Variants in SH3PXD2A observed in about 807,000 individuals in gnomAD.
SH3PXD2A encodes the protein SH3 and PX domains 2A, also known as SH3 and PX domain-containing protein 2A.
SH3PXD2A carries 32 observed loss-of-function variants against 115.2 expected under a neutral mutation model. That is an observed-to-expected ratio of 0.28 (90% confidence interval 0.21 to 0.37). The LOEUF is 0.37. Among genes scored for constraint, SH3PXD2A ranks in the 10% least tolerant of loss-of-function variants. The pLI, the probability that SH3PXD2A is intolerant of heterozygous loss-of-function variation, is 1.00. For missense variants in SH3PXD2A, 1,328 were observed against 1,498.7 expected (o/e 0.89, Z 1.88); for synonymous variants, 610 against 629.1 (o/e 0.97, Z 0.45).
intron 3 of SH3PXD2A, among the ~76,000 whole-genome samples, chr10:103,737,049 G>C (rs2038388866): frequency 6.6e-6 from 1 of 152,196 alleles, no homozygotes; most frequent in East Asian, 1.9e-4. Context: ...CACCTCTAGT[G>C]GCCTGGGAAG....
intron 1 of SH3PXD2A, among the ~76,000 whole-genome samples, chr10:103,846,584 A>G (rs1255363686): frequency 1.3e-5 from 2 of 152,228 alleles, no homozygotes; most frequent in East Asian, 1.9e-4. Context: ...CTCCTCACAC[A>G]GCTATCATCT....
At position 103,654,145 on chromosome 10, in the gene SH3PXD2A, C is replaced by A. The variant is rs546040953; in HGVS notation, c.604+6838G>T. On this transcript the variant is annotated intron_variant, in intron 8 of 14. Coordinates refer to ENST00000369774, the MANE Select transcript of SH3PXD2A (RefSeq NM_001394015.1). ...AACAGGGCTACTGAGGGACCATCAG[C>A]GTGGGGTTGTCATGAAAGCCCCCAA... 2.0e-5 allele frequency among the ~76,000 whole-genome samples: 3 copies of A among 152,192 alleles called. No homozygotes were observed. The East Asian group carries it at 5.8e-4, about 30-fold the overall frequency.
At chr10:103,719,728 T>C (rs2038157270) in intron 5 of SH3PXD2A, among the ~76,000 whole-genome samples, 1 of 145,342 alleles carries the variant, frequency 6.9e-6, no homozygotes, top group South Asian at 2.2e-4. Flanking sequence ...TTTCTTTTTT[T>C]TTTTTTTTTT....
chr10:103,650,907 G>A (rs1008038762), intron 8 of SH3PXD2A, among the ~76,000 whole-genome samples: 1 of 152,252 alleles, frequency 6.6e-6, no homozygotes, highest in African/African-American at 2.4e-5. Context: ...AGGGACAGCT[G>A]CCTCTTGTCC....
intron 2 of SH3PXD2A, among the ~76,000 whole-genome samples, chr10:103,787,787 C>A (rs1394779769): frequency 2.0e-5 from 3 of 152,036 alleles, no homozygotes; most frequent in East Asian, 1.9e-4. Flanking sequence ...AACAAACAAA[C>A]AAAAAAAATC....
chr10:103,718,886 A>G (rs529645028), intron 5 of SH3PXD2A, among the ~76,000 whole-genome samples: 34 of 152,122 alleles, frequency 2.2e-4, no homozygotes, highest in Non-Finnish European at 4.6e-4. Context: ...TCATATGTTA[A>G]ATCCTAACGC....
At chr10:103,664,670 C>CTTTT (rs34460765) in intron 7 of SH3PXD2A, among the ~76,000 whole-genome samples, 13 of 142,024 alleles carry the variant, frequency 9.2e-5, no homozygotes, top group African/African-American at 3.4e-4. Flanking sequence ...CTTTCTCTCT[C>CTTTT]TTTTTTTTTT....
At chr10:103,794,087 C>A (rs2039063247) in intron 2 of SH3PXD2A, among the ~76,000 whole-genome samples, 1 of 152,162 alleles carries the variant, frequency 6.6e-6, no homozygotes, top group South Asian at 2.1e-4. Flanking sequence ...ACATTCATTC[C>A]AAGGCTGGTT....
chr10:103,706,860 T>C (rs117519770), intron 5 of SH3PXD2A, among the ~76,000 whole-genome samples: 704 of 152,276 alleles, frequency 4.6e-3, no homozygotes, highest in Middle Eastern at 0.014. Context: ...CATCCCTGAT[T>C]GTCACAGATG....
chr10:103,601,986 C>T lies in SH3PXD2A; in HGVS notation c.3232G>A (p.Val1078Ile), dbSNP rs561681082. The T allele has an allele frequency of 8.1e-6, 13 of 1,614,006 alleles. No homozygotes were observed. The highest frequency in any genetic ancestry group is 4.5e-5 in the East Asian group (2 of 44,866). The stretch of plus-strand genomic sequence containing the variant: ...TCCCCCTCGTAGTCTGCGATAGAGA[C>T]GTACACATCTTTGAGGTTATTGTGG... The part of the protein sequence containing the change: ...FIHNNLKDVY[V>I]SIADYEGDEE... Residue 1078 changes from valine (V) to isoleucine (I), a missense_variant, in exon 15 of 15, where the codon GTC (valine) becomes ATC (isoleucine). By Grantham distance (29) the Val-to-Ile change is conservative. Around this residue, in one of 5 missense-constraint regions of SH3PXD2A, gnomAD observed 45 missense variants for 73.6 expected, o/e 0.61. Coordinates refer to ENST00000369774, the MANE Select transcript of SH3PXD2A (RefSeq NM_001394015.1).
chr10:103,644,508 C>T (rs896632677), intron 8 of SH3PXD2A, among the ~76,000 whole-genome samples: 7 of 151,360 alleles, frequency 4.6e-5, no homozygotes, highest in Admixed American at 4.6e-4. Flanking sequence ...ATCACTTGAG[C>T]CCAGGAGGTC....
intron 6 of SH3PXD2A, among the ~76,000 whole-genome samples, chr10:103,671,778 C>CG (rs1223579757): frequency 2.8e-5 from 4 of 144,380 alleles, no homozygotes; most frequent in African/African-American, 1.0e-4. Flanking sequence ...GGGGGGGAGG[C>CG]GGGGGGCGCA....
intron 1 of SH3PXD2A, among the ~76,000 whole-genome samples, chr10:103,829,286 C>T (rs2039462650): frequency 6.6e-6 from 1 of 152,138 alleles, no homozygotes; most frequent in Admixed American, 6.5e-5. Flanking sequence ...TAACCCACTT[C>T]TGGGAGGCAC....
At chr10:103,827,592 C>T (rs1399652306) in intron 1 of SH3PXD2A, among the ~76,000 whole-genome samples, 1 of 152,192 alleles carries the variant, frequency 6.6e-6, no homozygotes, top group Non-Finnish European at 1.5e-5. Context: ...GTACATAGCA[C>T]ACCGCCTGGC....
intron 6 of SH3PXD2A, among the ~76,000 whole-genome samples, chr10:103,685,582 G>A (rs986178094): frequency 2.6e-5 from 4 of 152,072 alleles, no homozygotes; most frequent in East Asian, 1.9e-4. Flanking sequence ...GAACCCCTCC[G>A]GTGCTGCCTC....
chr10:103,601,629 C>T lies in SH3PXD2A; in HGVS notation c.*187G>A. ...CTCACTCAGTGTGGGCACCCCCATCCCCTACCTTCCAGCTGTGGGATGGCT... is the reference window on the plus strand; with the variant it reads ...CTCACTCAGTGTGGGCACCCCCATCTCCTACCTTCCAGCTGTGGGATGGCT... On this transcript the variant is annotated 3_prime_UTR_variant, in exon 15 of 15. Coordinates refer to ENST00000369774, the MANE Select transcript of SH3PXD2A (RefSeq NM_001394015.1). 4 of 574,246 alleles carry T rather than the reference C, an allele frequency of 7.0e-6. No individual in the cohort carries two copies. The highest frequency in any genetic ancestry group is 1.2e-5 in the Non-Finnish European group (4 of 321,360). The allele number at this position is 574,246 out of a possible 1,614,324, so 35.6% of individuals were successfully genotyped here. A position where few individuals can be genotyped will look rare whatever the true frequency, so the allele number is the denominator to read the frequency against.
chr10:103,836,682 TAC>T lies in SH3PXD2A; in HGVS notation c.72+18511_72+18512del, dbSNP rs55855121. Among the ~76,000 whole-genome samples, 814 of 148,876 alleles carry T rather than the reference TAC, an allele frequency of 5.5e-3. 7 individuals carry two copies. Among genetic ancestry groups the T allele is most frequent in the African/African-American group, 0.019 (757 of 40,458 alleles). ...CACACACTCCACACTCACAGACATG[TAC>T]ACACACACACACACACACACACCCC... On this transcript the variant is annotated intron_variant, in intron 1 of 14. Transcript: ENST00000369774.
chr10:103,605,882 A>G lies in SH3PXD2A; in HGVS notation c.1344T>C (p.Ser448=). The G allele has an allele frequency of 1.2e-6, 2 of 1,613,958 alleles. No individual in the cohort carries two copies. The highest frequency in any genetic ancestry group is 1.7e-6 in the Non-Finnish European group (2 of 1,179,844). The change falls in exon 14 of 15, where the codon TCT becomes TCC. Residue 448 remains serine, a synonymous_variant. Coordinates refer to ENST00000369774, the MANE Select transcript of SH3PXD2A (RefSeq NM_001394015.1). ...FQLPKPPEPP[S]VEVEYYTIAE... ...CAATGGTGTAGTACTCCACCTCAAC[A>G]GAAGGGGGCTCTGGTGGCTTTGGCA...
chr10:103,730,186 T>A (rs1159867631), intron 4 of SH3PXD2A, among the ~76,000 whole-genome samples: 3 of 151,332 alleles, frequency 2.0e-5, no homozygotes, highest in African/African-American at 7.3e-5. Flanking sequence ...TTACACAGGA[T>A]CAATTGCTTC....
Sources: gnomAD v4.1 joint callset for allele counts (sites outside exome capture counted in the v4.1 genomes callset) on GRCh38, gnomAD v4.1.1 for gene constraint, gnomAD v4.1.1 regional missense constraint, MANE v1.5 for transcripts, NCBI Gene and HGNC (gene_info 2026-07-23, HGNC 2026-07-21) for gene names.